PTPRD: variants seen among roughly 807,000 people sequenced by gnomAD.
The protein encoded by PTPRD is protein tyrosine phosphatase receptor type D, also known as receptor-type tyrosine-protein phosphatase delta.
In PTPRD, 34 loss-of-function variants were observed where a neutral mutation model predicts 214.5. The ratio of observed to expected loss-of-function variants is 0.16; its 90% CI spans 0.12 to 0.21. The LOEUF (loss-of-function observed/expected upper bound fraction) is 0.21, where lower values mean the gene tolerates loss of function less well. PTPRD is among the 10% of genes least tolerant of loss of function. The probability of loss-of-function intolerance (pLI) is 1.00; values close to 1 mark genes in which losing one functional copy is unlikely to be tolerated. For synonymous variants in PTPRD, 1,128 were observed against 845.7 expected (o/e 1.33, Z -5.79); for missense variants, 2,545 against 2,398.7 (o/e 1.06, Z -1.27).
intron 11 of PTPRD, among the ~76,000 whole-genome samples, chr9:9,005,605 A>C (rs1212790747): frequency 6.6e-6 from 1 of 152,044 alleles, no homozygotes; most frequent in African/African-American, 2.4e-5. Flanking sequence ...TAAAAACCTA[A>C]GTATAAGAAG....
At chr9:8,391,677 C>A (rs551731732) in intron 36 of PTPRD, among the ~76,000 whole-genome samples, 1 of 152,270 alleles carries the variant, frequency 6.6e-6, no homozygotes, top group African/African-American at 2.4e-5. Context: ...CCTCACTCAG[C>A]TGCCAATATA....
intron 12 of PTPRD, among the ~76,000 whole-genome samples, chr9:8,667,371 T>G (rs1186442483): frequency 1.3e-5 from 2 of 152,030 alleles, no homozygotes; most frequent in African/African-American, 4.8e-5. Context: ...ACCAGAAAAT[T>G]CAATTTTTTT....
intron 8 of PTPRD, among the ~76,000 whole-genome samples, chr9:9,456,102 C>T (rs1212276781): frequency 1.3e-5 from 2 of 151,928 alleles, no homozygotes; most frequent in Admixed American, 6.6e-5. Context: ...TAAACTGTTA[C>T]AGGTAGAATA....
At chr9:10,427,165 C>T (rs1453522670) in intron 2 of PTPRD, among the ~76,000 whole-genome samples, 3 of 152,114 alleles carry the variant, frequency 2.0e-5, no homozygotes, top group East Asian at 1.9e-4. Flanking sequence ...ACAGCCTCTA[C>T]TTTAACAGCT....
intron 35 of PTPRD, among the ~76,000 whole-genome samples, chr9:8,417,408 G>A (rs2094019092): frequency 6.6e-6 from 1 of 152,108 alleles, no homozygotes; most frequent in Non-Finnish European, 1.5e-5. Context: ...GCAGCAAAGG[G>A]TAGAGCTGTA....
chr9:8,745,814 T>C (rs2092731360), intron 11 of PTPRD, among the ~76,000 whole-genome samples: 1 of 149,784 alleles, frequency 6.7e-6, no homozygotes, highest in Admixed American at 6.6e-5. Context: ...CTCTCTCTCT[T>C]TTAGATAGGG....
At chr9:8,911,085 C>G (rs2098743677) in intron 11 of PTPRD, among the ~76,000 whole-genome samples, 1 of 152,142 alleles carries the variant, frequency 6.6e-6, no homozygotes, top group African/African-American at 2.4e-5. Context: ...TCAACACAGT[C>G]AAAATGCTGG....
rs117928912 is a variant in PTPRD at position 8,559,098 on chromosome 9, T to C, written c.353-30319A>G. ...CAAATTGTTTTTATTCTGACTGAGA[T>C]GACATAATATTTTAATTTTCCCAGA... is the stretch of plus-strand genomic sequence containing the variant. On this transcript the variant is annotated intron_variant, in intron 14 of 45. Transcript: ENST00000381196. Among the ~76,000 whole-genome samples the C allele has an allele frequency of 1.4e-3, 206 of 152,332 alleles. 6 individuals are homozygous for C. In the East Asian group the frequency reaches 0.036, roughly 27 times the overall value.
rs959412700 is a variant in PTPRD at position 8,316,638 on chromosome 9, C to G, written c.*1236G>C. ...CTATTTAATAATAATTTTTATTGCA[C>G]TAGAGTGTTAGAAATATTGAACTTT... On this transcript the variant is annotated 3_prime_UTR_variant, in exon 46 of 46. Transcript: ENST00000381196. 92 of 230,528 alleles carry G rather than the reference C, an allele frequency of 4.0e-4. No homozygotes were observed. The highest frequency in any genetic ancestry group is 4.5e-4 in the Admixed American group (8 of 17,632). The allele number at this position is 230,528 out of a possible 1,614,324, so 14.3% of individuals were successfully genotyped here.
intron 2 of PTPRD, among the ~76,000 whole-genome samples, chr9:10,359,319 A>T (rs2097334284): frequency 1.3e-5 from 2 of 152,014 alleles, no homozygotes; most frequent in Admixed American, 1.3e-4. Context: ...AGTAAAGAAG[A>T]GCTTATAATT....
intron 44 of PTPRD, among the ~76,000 whole-genome samples, chr9:8,331,201 C>T (rs892824894): frequency 6.7e-6 from 1 of 148,608 alleles, no homozygotes; most frequent in Non-Finnish European, 1.5e-5. Context: ...GATAGCTATT[C>T]ATGAGGTTTT....
intron 11 of PTPRD, among the ~76,000 whole-genome samples, chr9:8,935,797 T>A (rs2098992926): frequency 6.6e-6 from 1 of 152,194 alleles, no homozygotes; most frequent in African/African-American, 2.4e-5. Context: ...ATGAGTAATT[T>A]CATTCTCTTC....
chr9:9,464,541 C>G (rs1294000857), intron 8 of PTPRD, among the ~76,000 whole-genome samples: 1 of 152,106 alleles, frequency 6.6e-6, no homozygotes, highest in African/African-American at 2.4e-5. Context: ...TGAAGTCTAA[C>G]ACAGCATGAG....
chr9:9,922,924 G>T (rs80129692), intron 5 of PTPRD, among the ~76,000 whole-genome samples: 4,070 of 150,376 alleles, frequency 0.027, 179 homozygotes, highest in African/African-American at 0.094. Context: ...TAAAGAATTG[G>T]CTCAATTGAT....
chr9:10,267,190 C>CA (rs530164049), intron 3 of PTPRD, among the ~76,000 whole-genome samples: 3,997 of 75,254 alleles, frequency 0.053, 83 homozygotes, highest in African/African-American at 0.088. Flanking sequence ...GACTCCGTCT[C>CA]AAAAAAAAAA....
At chr9:9,738,439 C>CTTTTTTTT (rs71319292) in intron 6 of PTPRD, among the ~76,000 whole-genome samples, 861 of 76,512 alleles carry the variant, frequency 0.011, 158 homozygotes, top group African/African-American at 0.034. Context: ...CACTCACTCA[C>CTTTTTTTT]TTTTTTTTTT....
intron 11 of PTPRD, among the ~76,000 whole-genome samples, chr9:8,908,947 ATAAAT>A (rs1246264846): frequency 6.7e-6 from 1 of 150,042 alleles, no homozygotes; most frequent in Admixed American, 6.7e-5. Flanking sequence ...GAATATGAAA[ATAAAT>A]TATATATAAT....
At chr9:9,356,399 T>C (rs1445121295) in intron 9 of PTPRD, among the ~76,000 whole-genome samples, 2 of 150,804 alleles carry the variant, frequency 1.3e-5, no homozygotes, top group African/African-American at 4.9e-5. Context: ...ACTGGACTTA[T>C]TTTTTTCATG....
chr9:8,476,440 G>T (rs556398924), intron 30 of PTPRD, among the ~76,000 whole-genome samples: 185 of 152,130 alleles, frequency 1.2e-3, no homozygotes, highest in Non-Finnish European at 2.0e-3. Flanking sequence ...ATGGCCCAGG[G>T]GTTGGAGATC....
Sources: gnomAD v4.1 joint callset for allele counts (sites outside exome capture counted in the v4.1 genomes callset) on GRCh38, gnomAD v4.1.1 for gene constraint, MANE v1.5 for transcripts, NCBI Gene and HGNC (gene_info 2026-07-23, HGNC 2026-07-21) for gene names.